RNF144A: variants seen among roughly 807,000 people sequenced by gnomAD.
RNF144A encodes ring finger protein 144A, also known as E3 ubiquitin-protein ligase RNF144A.
RNF144A carries 11 observed loss-of-function variants against 38.7 expected under a neutral mutation model. The observed-to-expected ratio is 0.28, with a 90% CI of 0.18 to 0.47. The LOEUF is 0.47. RNF144A is among the 20% of genes least tolerant of loss of function. The pLI, the probability that RNF144A is intolerant of heterozygous loss-of-function variation, is 0.99. For synonymous variants in RNF144A, 149 were observed against 143.9 expected (o/e 1.04, Z -0.25); for missense variants, 316 against 377.2 (o/e 0.84, Z 1.34).
At chr2:6,985,589 T>C (rs965660457) in intron 2 of RNF144A, among the ~76,000 whole-genome samples, 5 of 152,196 alleles carry the variant, frequency 3.3e-5, no homozygotes, top group Admixed American at 6.5e-5. Flanking sequence ...GATGGTTTAA[T>C]AGACGGAATA....
rs928784020 is a variant in RNF144A, at chr2:6,968,065, A to G, written c.-12+26918A>G. On this transcript the variant is annotated intron_variant, in intron 2 of 8. Transcript: ENST00000320892. ...TCCTCTTCAAAGGATTCTTAATTCT[A>G]TGGGATTTGGCGTCAATTGCTTTTG... Among the ~76,000 whole-genome samples, 9 of 152,124 alleles carry G rather than the reference A, an allele frequency of 5.9e-5. 1 individual carries two copies. Among genetic ancestry groups the G allele is most frequent in the African/African-American group, 1.7e-4 (7 of 41,434 alleles).
intron 2 of RNF144A, among the ~76,000 whole-genome samples, chr2:6,945,358 T>A (rs1256709589): frequency 6.6e-6 from 1 of 151,416 alleles, no homozygotes; most frequent in Admixed American, 6.5e-5. Context: ...TAACCACATT[T>A]TCCACATTTA....
At chr2:6,965,948 G>A (rs1667640888) in intron 2 of RNF144A, among the ~76,000 whole-genome samples, 1 of 152,088 alleles carries the variant, frequency 6.6e-6, no homozygotes, top group African/African-American at 2.4e-5. Flanking sequence ...AAGGAAAAAA[G>A]ACCGCTCCTC....
chr2:7,070,376 G>T (rs111913959), downstream of RNF144A, among the ~76,000 whole-genome samples: 435 of 152,206 alleles, frequency 2.9e-3, 2 homozygotes, highest in African/African-American at 9.8e-3. Context: ...TTGCCATGTT[G>T]CCCAGTCTGA....
At chr2:7,066,329 T>C (rs977462502) in intron 6 of RNF144A, among the ~76,000 whole-genome samples, 10 of 152,228 alleles carry the variant, frequency 6.6e-5, no homozygotes, top group Middle Eastern at 3.4e-3. Flanking sequence ...CCTCGTGATC[T>C]GCCCACCTCA....
chr2:7,039,838 C>T lies in RNF144A; in HGVS notation c.*78C>T, dbSNP rs1672940166. On this transcript the variant is annotated 3_prime_UTR_variant, in exon 9 of 9. Transcript: ENST00000320892. The stretch of plus-strand genomic sequence containing the variant: ...CCAACCCTCCCCACCGTCCCCCCTT[C>T]ACTAAACATCTTTCTTGCCTTATGT... The T allele has an allele frequency of 4.0e-5, 62 of 1,560,070 alleles. No homozygotes were observed. In the South Asian group the frequency reaches 7.1e-4, roughly 18 times the overall value.
At chr2:7,055,255 A>G (rs1673686760) in intron 6 of RNF144A, among the ~76,000 whole-genome samples, 1 of 152,136 alleles carries the variant, frequency 6.6e-6, no homozygotes, top group Non-Finnish European at 1.5e-5. Context: ...TTTCCAGGCA[A>G]TGCCCCCAAC....
chr2:7,047,068 A>G (rs6722170), downstream of RNF144A, among the ~76,000 whole-genome samples: 18,927 of 152,184 alleles, frequency 0.12, 1,911 homozygotes, highest in East Asian at 0.55. Flanking sequence ...AGCTTCTGAC[A>G]GTTGGACTCC....
chr2:6,943,197 G>T lies in RNF144A; in HGVS notation c.-12+2050G>T, dbSNP rs1365692805. On this transcript the variant is annotated intron_variant, in intron 2 of 8. Coordinates refer to ENST00000320892, the MANE Select transcript of RNF144A (RefSeq NM_014746.6). This position sits in a 1 kb window ranked among gnomAD's most constrained non-coding sequence, Gnocchi z 4.3. ...AGATCCCCAGTGAAAGAAGAGAGGA[G>T]TTGTAAGGACTGGGCCCTGGGGCAT... Among the ~76,000 whole-genome samples, 1 of 152,230 alleles carries T rather than the reference G, an allele frequency of 6.6e-6. No individual in the cohort carries two copies. The highest frequency in any genetic ancestry group is 2.4e-5 in the African/African-American group (1 of 41,464).
At chr2:6,985,067 TAAACTTCACATAAG>T (rs1668862737) in intron 2 of RNF144A, among the ~76,000 whole-genome samples, 1 of 152,180 alleles carries the variant, frequency 6.6e-6, no homozygotes, top group Non-Finnish European at 1.5e-5. Context: ...AAAATCAAAA[TAAACTTCACATAAG>T]AAACACAGGA....
At chr2:6,938,350 C>T (rs771304) in intron 1 of RNF144A, among the ~76,000 whole-genome samples, 26,608 of 150,022 alleles carry the variant, frequency 0.18, 2,863 homozygotes, top group Non-Finnish European at 0.24. Flanking sequence ...TGCGTTCAAG[C>T]GATTCTCCTG....
chr2:7,010,593 C>T (rs777641825), intron 3 of RNF144A, among the ~76,000 whole-genome samples: 5 of 152,088 alleles, frequency 3.3e-5, no homozygotes, highest in African/African-American at 4.8e-5. Flanking sequence ...TCTGACGCAC[C>T]GGAGGTATAT....
At chr2:7,061,870 G>A (rs1161166582) in intron 6 of RNF144A, among the ~76,000 whole-genome samples, 2 of 152,128 alleles carry the variant, frequency 1.3e-5, no homozygotes, top group African/African-American at 4.8e-5. Flanking sequence ...TGTATGTATT[G>A]TAAATAATAT....
chr2:7,015,043 A>G (rs544635909), intron 5 of RNF144A, among the ~76,000 whole-genome samples: 1 of 152,354 alleles, frequency 6.6e-6, no homozygotes, highest in African/African-American at 2.4e-5. Context: ...GGAGGCTTAA[A>G]GTTGATGGCT....
At chr2:6,974,552 CA>C (rs1296936443) in intron 2 of RNF144A, among the ~76,000 whole-genome samples, 2 of 151,932 alleles carry the variant, frequency 1.3e-5, no homozygotes, top group Non-Finnish European at 2.9e-5. Context: ...TTTGAATTAA[CA>C]CTGCTTTTTT....
intron 3 of RNF144A, among the ~76,000 whole-genome samples, chr2:6,998,123 A>G (rs949833680): frequency 6.6e-6 from 1 of 152,156 alleles, no homozygotes; most frequent in African/African-American, 2.4e-5. Flanking sequence ...ATAAAACACA[A>G]TATTTATCAT....
At chr2:6,982,311 G>A (rs1172656376) in intron 2 of RNF144A, among the ~76,000 whole-genome samples, 1 of 152,132 alleles carries the variant, frequency 6.6e-6, no homozygotes, top group Non-Finnish European at 1.5e-5. Flanking sequence ...TCAGAAGATG[G>A]GTGCATTAGG....
chr2:7,019,254 A>G (rs1169969856), intron 5 of RNF144A, among the ~76,000 whole-genome samples: 3 of 152,168 alleles, frequency 2.0e-5, no homozygotes, highest in African/African-American at 7.2e-5. Flanking sequence ...AGCCTTACAC[A>G]TACGTATGCG....
At chr2:6,936,224 G>A (rs1158220335) in intron 1 of RNF144A, among the ~76,000 whole-genome samples, 2 of 152,290 alleles carry the variant, frequency 1.3e-5, no homozygotes, top group Non-Finnish European at 2.9e-5. Context: ...AGGCCTTAAA[G>A]ACTAAGAAAA....
Sources: allele counts gnomAD v4.1 joint callset (sites outside exome capture counted in the v4.1 genomes callset), GRCh38; gene constraint gnomAD v4.1.1; non-coding constraint Gnocchi (gnomAD v3.1); transcripts MANE v1.5; gene names NCBI Gene and HGNC (gene_info 2026-07-23, HGNC 2026-07-21).